The following STARD9 variants were observed in gnomAD, a reference collection of about 807,000 sequenced individuals.
STARD9 encodes the protein StAR related lipid transfer domain containing 9.
In STARD9, 346 loss-of-function variants were observed where a neutral mutation model predicts 399.8. The ratio of observed to expected loss-of-function variants is 0.87; its 90% CI spans 0.79 to 0.95. The LOEUF is 0.95. Among genes scored for constraint, STARD9 ranks in the 40% least tolerant of loss-of-function variants. The pLI, the probability that STARD9 is intolerant of heterozygous loss-of-function variation, is 0.00. For missense variants in STARD9, 5,832 were observed against 5,667.5 expected (o/e 1.03, Z -0.93); for synonymous variants, 2,203 against 2,143.5 (o/e 1.03, Z -0.77).
intron 3 of STARD9, among the ~76,000 whole-genome samples, chr15:42,597,652 C>T (rs1028496479): frequency 2.6e-5 from 4 of 152,102 alleles, no homozygotes; most frequent in Non-Finnish European, 5.9e-5. Flanking sequence ...TTCTCCGCCT[C>T]AGCCTCCCAA....
chr15:42,701,921 G>T (rs1229550292), intron 26 of STARD9, among the ~76,000 whole-genome samples: 1 of 150,194 alleles, frequency 6.7e-6, no homozygotes, highest in East Asian at 2.0e-4. Context: ...TTGAACCCGG[G>T]AGGGTGGAGG....
chr15:42,690,840 A>C lies in STARD9; in HGVS notation c.9262A>C (p.Lys3088Gln). ...GGGGTTAATAGGGGTTCCTGAGAAA[A>C]AGGTTGCTGAGAAGCAAGCAAGCAC... ...SVGLIGVPEK[K>Q]VAEKQASTEL... Residue 3088 changes from lysine (K) to glutamine (Q), a missense_variant, in exon 23 of 33, where the codon AAG (lysine) becomes CAG (glutamine). By Grantham distance (53) the Lys-to-Gln change is moderately conservative. This residue lies in a region of STARD9 where 5,828 missense variants were observed against 5,651.1 expected (regional missense o/e 1.03). Transcript: ENST00000290607. 6.5e-7 allele frequency: 1 copy of C among 1,537,078 alleles called. No homozygotes were observed. The highest frequency in any genetic ancestry group is 8.7e-7 in the Non-Finnish European group (1 of 1,146,806).
Position 42,712,123 on chromosome 15 carries a change from A to C in STARD9, c.13285-4554A>C. 4.4e-5 allele frequency among the ~76,000 whole-genome samples: 4 copies of C among 91,532 alleles called. 1 individual carries two copies. In the Admixed American group the frequency reaches 7.5e-4, roughly 17 times the overall value. The allele number at this position is 91,532 out of a possible 152,430, so 60.0% of individuals were successfully genotyped here. ...ATATATAATATATAATATATAATAT[A>C]TATATAAATGTGCCTTTGCCCATTT... On this transcript the variant is annotated intron_variant, in intron 26 of 32. Coordinates refer to ENST00000290607, the MANE Select transcript of STARD9 (RefSeq NM_020759.3).
intron 9 of STARD9, among the ~76,000 whole-genome samples, chr15:42,657,244 C>T (rs1595717872): frequency 6.6e-6 from 1 of 151,606 alleles, no homozygotes; most frequent in East Asian, 1.9e-4. Flanking sequence ...CTTGTAGTCC[C>T]AGCTACTCAG....
intron 24 of STARD9, 27 bp downstream of exon 24, chr15:42,694,752 G>A (rs1322352252): frequency 4.6e-6 from 7 of 1,529,638 alleles, no homozygotes; most frequent in African/African-American, 1.4e-5. Flanking sequence ...ACCCTGCTGG[G>A]AGCAGGCTCT....
chr15:42,667,891 G>A (rs562448465), intron 15 of STARD9, among the ~76,000 whole-genome samples: 2 of 152,250 alleles, frequency 1.3e-5, no homozygotes, highest in East Asian at 1.9e-4. Context: ...GTCACCCTTA[G>A]TAAACCTCAA....
intron 7 of STARD9, among the ~76,000 whole-genome samples, 187 bp downstream of exon 7, chr15:42,638,999 G>C (rs1310046480): frequency 6.7e-6 from 1 of 150,146 alleles, no homozygotes; most frequent in African/African-American, 2.5e-5. Context: ...TTACAATCTA[G>C]TGGGTGTGAG....
chr15:42,695,618 C>T, intron 25 of STARD9, 125 bp from the exon 26 acceptor site: 2 of 1,153,948 alleles, frequency 1.7e-6, no homozygotes, highest in Non-Finnish European at 2.4e-6. Flanking sequence ...CAGGGAGGCC[C>T]TGGGAGGTGG....
chr15:42,690,009 C>T lies in STARD9; in HGVS notation c.8431C>T (p.His2811Tyr). The change falls in exon 23 of 33, where the codon CAT becomes TAT. Residue 2811 changes from histidine to tyrosine, a missense_variant. His to Tyr is a moderately conservative substitution (Grantham distance 83). This residue lies in a region of STARD9 where 5,828 missense variants were observed against 5,651.1 expected (regional missense o/e 1.03). Coordinates refer to ENST00000290607, the MANE Select transcript of STARD9 (RefSeq NM_020759.3). ...LVTAQGEKTA[H>Y]FESQSVTCDV... Reference sequence around the variant, plus strand: ...GACTGCACAGGGAGAAAAAACAGCCCATTTTGAAAGTCAGTCTGTGACCTG... The same window carrying T: ...GACTGCACAGGGAGAAAAAACAGCCTATTTTGAAAGTCAGTCTGTGACCTG... 1.3e-6 allele frequency: 2 copies of T among 1,537,316 alleles called. No individual in the cohort carries two copies. Among genetic ancestry groups the T allele is most frequent in the South Asian group, 2.4e-5 (2 of 84,058 alleles).
At chr15:42,646,847 A>T (rs1434779793) in intron 7 of STARD9, among the ~76,000 whole-genome samples, 5 of 152,116 alleles carry the variant, frequency 3.3e-5, no homozygotes. Context: ...CTAGCTTTTG[A>T]TTTAAAATGA....
intron 10 of STARD9, among the ~76,000 whole-genome samples, chr15:42,662,090 A>G (rs959729389): frequency 6.6e-6 from 1 of 152,170 alleles, no homozygotes; most frequent in African/African-American, 2.4e-5. Context: ...GTTTGAAGCC[A>G]TCCTGGGCAA....
Position 42,692,129 on chromosome 15 carries a change from C to T in STARD9, c.10551C>T (p.Gly3517=), listed in dbSNP as rs1054274383. The T allele has an allele frequency of 7.5e-5, 115 of 1,537,030 alleles. 1 individual carries two copies. The highest frequency in any genetic ancestry group is 1.7e-4 in the Middle Eastern group (1 of 6,012). The change falls in exon 23 of 33, where the codon GGC becomes GGT. Residue 3517 remains glycine (G), a synonymous_variant. Transcript: ENST00000290607. ...CCCGGTGCTCCAGCATGGACAATGGCCTAGAAGACCAGAACTCCCCTTTCC... is the reference window on the plus strand; with the variant it reads ...CCCGGTGCTCCAGCATGGACAATGGTCTAGAAGACCAGAACTCCCCTTTCC... ...NVARCSSMDN[G]LEDQNSPFHS...
At chr15:42,594,024 C>T (rs1172752642) in intron 3 of STARD9, among the ~76,000 whole-genome samples, 1 of 152,108 alleles carries the variant, frequency 6.6e-6, no homozygotes, top group Non-Finnish European at 1.5e-5. Context: ...CATCAAACAA[C>T]ACACAGAATA....
chr15:42,614,031 G>T (rs1331338292), intron 3 of STARD9, among the ~76,000 whole-genome samples: 1 of 152,030 alleles, frequency 6.6e-6, no homozygotes, highest in African/African-American at 2.4e-5. Flanking sequence ...CAGTGTATCA[G>T]GCTGGGCACG....
At chr15:42,669,072 G>C in intron 15 of STARD9, 86 bp from the exon 16 acceptor site, 1 of 1,196,008 alleles carries the variant, frequency 8.4e-7, no homozygotes, top group Non-Finnish European at 1.1e-6. Context: ...AGTACCCTGG[G>C]GAAATAGGAA....
In STARD9 at chr15:42,648,694, G is replaced by T. The variant is rs541500141; in HGVS notation, c.560-2322G>T. Among the ~76,000 whole-genome samples, 4 of 152,152 alleles carry T rather than the reference G, an allele frequency of 2.6e-5. No homozygotes were observed. In the South Asian group the frequency reaches 8.3e-4, roughly 32 times the overall value. On this transcript the variant is annotated intron_variant, in intron 7 of 32. Coordinates refer to ENST00000290607, the MANE Select transcript of STARD9 (RefSeq NM_020759.3). Reference sequence around the variant, plus strand: ...TTTAAAAAATCATGCTGGGATTCTTGAATTGTGCTTTTGTATCTTCTTATC... The same window carrying T: ...TTTAAAAAATCATGCTGGGATTCTTTAATTGTGCTTTTGTATCTTCTTATC...
At chr15:42,679,740 G>A (rs1327172900) in intron 20 of STARD9, among the ~76,000 whole-genome samples, 2 of 152,192 alleles carry the variant, frequency 1.3e-5, no homozygotes, top group South Asian at 4.1e-4. Context: ...TGCAAAAGCA[G>A]CCCTAGACAG....
chr15:42,615,451 T>C (rs895861373), intron 3 of STARD9, among the ~76,000 whole-genome samples: 1 of 152,148 alleles, frequency 6.6e-6, no homozygotes, highest in Admixed American at 6.6e-5. Context: ...TTCCATGAAA[T>C]GGTATTGACT....
intron 3 of STARD9, among the ~76,000 whole-genome samples, chr15:42,612,417 A>G (rs997141516): frequency 6.6e-6 from 1 of 152,176 alleles, no homozygotes; most frequent in Non-Finnish European, 1.5e-5. Context: ...GACATAAAAC[A>G]TGGTAAATTA....
Sources: allele counts gnomAD v4.1 joint callset (sites outside exome capture counted in the v4.1 genomes callset), GRCh38; gene constraint gnomAD v4.1.1; regional missense constraint gnomAD v4.1.1; transcripts MANE v1.5; gene names NCBI Gene and HGNC (gene_info 2026-07-23, HGNC 2026-07-21).